Variants in CLVS1 observed in about 807,000 individuals in gnomAD.
The protein encoded by CLVS1 is clavesin 1, also known as clavesin-1.
Under a neutral mutation model 33.1 loss-of-function variants are expected in CLVS1, and 10 were observed. The ratio of observed to expected loss-of-function variants is 0.30; its 90% confidence interval spans 0.19 to 0.51. The LOEUF is 0.51. Ranked by LOEUF, CLVS1 falls within the 20% of genes least tolerant of loss-of-function variation. The pLI is 0.97. For missense variants in CLVS1, 343 were observed against 433.4 expected (o/e 0.79, Z 1.85); for synonymous variants, 163 against 166.1 (o/e 0.98, Z 0.14).
At chr8:61,063,388 G>A (rs1208823555) in intron 1 of CLVS1, among the ~76,000 whole-genome samples, 1 of 152,062 alleles carries the variant, frequency 6.6e-6, no homozygotes, top group Non-Finnish European at 1.5e-5. Context: ...AAGCTGAGGT[G>A]CATGAGAAGG....
At chr8:61,489,135 AATG>A (rs1175375665) in intron 5 of CLVS1, among the ~76,000 whole-genome samples, 2 of 152,234 alleles carry the variant, frequency 1.3e-5, no homozygotes, top group African/African-American at 4.8e-5. Context: ...TTTTCTCAAT[AATG>A]ATCTATTTTT....
At chr8:61,482,438 A>C (rs1818231620) in intron 5 of CLVS1, among the ~76,000 whole-genome samples, 2 of 152,376 alleles carry the variant, frequency 1.3e-5, no homozygotes, top group East Asian at 3.9e-4. Flanking sequence ...AACCCATTGC[A>C]AAGAAGCTAA....
intron 2 of CLVS1, among the ~76,000 whole-genome samples, chr8:61,268,160 ACCCC>A (rs907695797): frequency 3.9e-5 from 2 of 51,190 alleles, no homozygotes. Flanking sequence ...GTGCTATCCC[ACCCC>A]CCTCCCCCCA....
chr8:61,435,414 C>G (rs188434732), intron 3 of CLVS1, among the ~76,000 whole-genome samples: 64 of 152,142 alleles, frequency 4.2e-4, no homozygotes, highest in Non-Finnish European at 7.8e-4. Context: ...AAAAAATCTC[C>G]TTAGGGCCAT....
At chr8:61,496,702 G>A (rs912643414) in intron 5 of CLVS1, among the ~76,000 whole-genome samples, 5 of 152,166 alleles carry the variant, frequency 3.3e-5, no homozygotes, top group Admixed American at 2.6e-4. Context: ...CACTTGTACT[G>A]ATTTGCTTCT....
At chr8:61,228,530 G>A (rs1477857650) in intron 2 of CLVS1, among the ~76,000 whole-genome samples, 1 of 152,184 alleles carries the variant, frequency 6.6e-6, no homozygotes, top group African/African-American at 2.4e-5. Context: ...GCCTATAGCT[G>A]GGTTAAATCA....
chr8:61,083,189 G>C (rs1805056356), intron 1 of CLVS1, among the ~76,000 whole-genome samples: 1 of 152,154 alleles, frequency 6.6e-6, no homozygotes, highest in East Asian at 1.9e-4. Flanking sequence ...ATAAAAGGGA[G>C]AGTGTAACAC....
chr8:61,005,551 C>T, the CLVS1 span, among the ~76,000 whole-genome samples: 1 of 152,018 alleles, frequency 6.6e-6, no homozygotes, highest in Non-Finnish European at 1.5e-5. Context: ...TGGCCCTGCA[C>T]GGTGCAAAAA....
At chr8:61,469,806 TCAA>T (rs1817675343) in intron 5 of CLVS1, among the ~76,000 whole-genome samples, 1 of 152,218 alleles carries the variant, frequency 6.6e-6, no homozygotes, top group Non-Finnish European at 1.5e-5. Context: ...GCTGTTCCAT[TCAA>T]CAACACTATA....
chr8:61,367,279 A>G (rs1813248771), intron 2 of CLVS1, among the ~76,000 whole-genome samples: 1 of 152,208 alleles, frequency 6.6e-6, no homozygotes, highest in African/African-American at 2.4e-5. Context: ...GCAGAATGAG[A>G]TGAATCACAA....
the CLVS1 span, among the ~76,000 whole-genome samples, chr8:60,997,292 G>A: frequency 3.3e-5 from 5 of 152,074 alleles, no homozygotes; most frequent in South Asian, 2.1e-4. Context: ...TCAGAGAGCC[G>A]GCAGACATGC....
chr8:61,107,440 G>A (rs187879116), intron 1 of CLVS1, among the ~76,000 whole-genome samples: 20 of 152,278 alleles, frequency 1.3e-4, no homozygotes, highest in Non-Finnish European at 2.1e-4. Context: ...CCTTATAGAT[G>A]GCATCTTCTA....
At chr8:61,444,593 G>A (rs958938826) in intron 3 of CLVS1, among the ~76,000 whole-genome samples, 2 of 152,204 alleles carry the variant, frequency 1.3e-5, no homozygotes. Context: ...TGGAGTAACT[G>A]CTATGATAAG....
chr8:61,235,267 A>T (rs1431187420), intron 2 of CLVS1, among the ~76,000 whole-genome samples: 1 of 152,226 alleles, frequency 6.6e-6, no homozygotes, highest in Non-Finnish European at 1.5e-5. Context: ...AAAAGTGACC[A>T]GAGAAAGTAC....
intron 2 of CLVS1, among the ~76,000 whole-genome samples, chr8:61,189,709 C>G (rs560296915): frequency 1.2e-4 from 19 of 152,122 alleles, no homozygotes; most frequent in African/African-American, 4.6e-4. Flanking sequence ...CAAAAAAAGG[C>G]AGGGGTTGCA....
intron 1 of CLVS1, among the ~76,000 whole-genome samples, chr8:61,070,901 C>T (rs1804782275): frequency 6.6e-6 from 1 of 152,190 alleles, no homozygotes; most frequent in Admixed American, 6.5e-5. Context: ...AAACAGTGTT[C>T]TCTGGTTGGG....
At chr8:61,459,578 C>T (rs1391189143) in intron 5 of CLVS1, among the ~76,000 whole-genome samples, 2 of 151,450 alleles carry the variant, frequency 1.3e-5, no homozygotes, top group African/African-American at 4.9e-5. Context: ...GCTCACCCAT[C>T]GGTGAGAACA....
chr8:61,455,534 G>A (rs1268480955), intron 4 of CLVS1, among the ~76,000 whole-genome samples: 1 of 151,862 alleles, frequency 6.6e-6, no homozygotes, highest in East Asian at 1.9e-4. Flanking sequence ...GAAAATGACA[G>A]GATTTCATTC....
intron 2 of CLVS1, among the ~76,000 whole-genome samples, chr8:61,245,830 G>C (rs1003444000): frequency 1.2e-4 from 18 of 152,010 alleles, no homozygotes; most frequent in Non-Finnish European, 2.5e-4. Context: ...GGGCAGTGTT[G>C]TGATCATCGG....
Sources: allele counts gnomAD v4.1 joint callset (sites outside exome capture counted in the v4.1 genomes callset), GRCh38; gene constraint gnomAD v4.1.1; transcripts MANE v1.5; gene names NCBI Gene and HGNC (gene_info 2026-07-23, HGNC 2026-07-21).